SCAPER: variants seen among roughly 807,000 people sequenced by gnomAD.
The protein encoded by SCAPER is S-phase cyclin A associated protein in the ER, also known as S phase cyclin A-associated protein in the endoplasmic reticulum.
Under a neutral mutation model 182.2 loss-of-function variants are expected in SCAPER, and 98 were observed. The observed-to-expected ratio is 0.54, with a 90% CI of 0.46 to 0.64. The LOEUF (loss-of-function observed/expected upper bound fraction) is 0.64, where lower values mean the gene tolerates loss of function less well. Ranked by LOEUF, SCAPER falls within the 30% of genes least tolerant of loss-of-function variation. SCAPER has a pLI of 0.00. For synonymous variants in SCAPER, 605 were observed against 564.6 expected (o/e 1.07, Z -1.01); for missense variants, 1,432 against 1,690.0 (o/e 0.85, Z 2.68).
intron 17 of SCAPER, among the ~76,000 whole-genome samples, chr15:76,721,616 T>C (rs533873674): frequency 3.9e-5 from 6 of 152,110 alleles, no homozygotes; most frequent in Admixed American, 6.5e-5. Flanking sequence ...CAGTGGTTTG[T>C]AGTTCTCCTT....
chr15:76,649,239 C>T (rs1433611356), intron 21 of SCAPER, among the ~76,000 whole-genome samples: 1 of 152,092 alleles, frequency 6.6e-6, no homozygotes, highest in Non-Finnish European at 1.5e-5. Context: ...TAGACAATGA[C>T]GTCACTTCAA....
rs755966745 is a variant in SCAPER at position 76,511,841 on chromosome 15, A to ATGTGTGTGTGTGTGTG, written c.2839-6868_2839-6867insCACACACACACACACA. On this transcript the variant is annotated intron_variant, in intron 23 of 31. Transcript: ENST00000563290. ...AAAGATACACTTATTATATATATAT[A>ATGTGTGTGTGTGTGTG]TATGTGTGTGTGTGTGTGTGTGTGT... 7.5e-3 allele frequency among the ~76,000 whole-genome samples: 789 copies of ATGTGTGTGTGTGTGTG among 104,634 alleles called. 11 individuals carry two copies. The highest frequency in any genetic ancestry group is 0.028 in the South Asian group (69 of 2,488). 68.6% of individuals were successfully genotyped at this position (104,634 alleles called of 152,430 possible).
intron 14 of SCAPER, among the ~76,000 whole-genome samples, chr15:76,756,393 A>G (rs2151211755): frequency 6.6e-6 from 1 of 152,260 alleles, no homozygotes; most frequent in East Asian, 1.9e-4. Flanking sequence ...TCTGGGCAAC[A>G]TGGCAAGACC....
At chr15:76,720,729 T>C (rs1226941593) in intron 17 of SCAPER, among the ~76,000 whole-genome samples, 1 of 152,232 alleles carries the variant, frequency 6.6e-6, no homozygotes, top group East Asian at 1.9e-4. Flanking sequence ...AATGTCTTCT[T>C]TTGAGAAGTG....
chr15:76,541,601 T>C (rs925292949), intron 23 of SCAPER, among the ~76,000 whole-genome samples: 1 of 152,230 alleles, frequency 6.6e-6, no homozygotes, highest in African/African-American at 2.4e-5. Flanking sequence ...TACTGCCCAC[T>C]TCTATAAATG....
chr15:76,356,188 T>C (rs1003210123), intron 29 of SCAPER, among the ~76,000 whole-genome samples: 2 of 152,092 alleles, frequency 1.3e-5, no homozygotes, highest in South Asian at 4.1e-4. Context: ...GCACTAACAC[T>C]CAGTGGGCTA....
At chr15:76,579,876 T>G (rs2404737) in intron 22 of SCAPER, among the ~76,000 whole-genome samples, 57,957 of 152,012 alleles carry the variant, frequency 0.38, 13,086 homozygotes, top group Middle Eastern at 0.52. Flanking sequence ...GTAGCTATAC[T>G]TATGTCAGAA....
intron 5 of SCAPER, among the ~76,000 whole-genome samples, chr15:76,829,914 A>G (rs551038746): frequency 6.6e-6 from 1 of 152,324 alleles, no homozygotes; most frequent in Non-Finnish European, 1.5e-5. Context: ...CAGATATTAA[A>G]CAACTAAATA....
intron 21 of SCAPER, among the ~76,000 whole-genome samples, chr15:76,648,809 A>C (rs1031714290): frequency 6.6e-6 from 1 of 152,246 alleles, no homozygotes; most frequent in African/African-American, 2.4e-5. Context: ...TAGGGAAAAA[A>C]GTACCTGGTG....
At chr15:76,629,623 G>T (rs1339994374) in intron 21 of SCAPER, among the ~76,000 whole-genome samples, 1 of 152,202 alleles carries the variant, frequency 6.6e-6, no homozygotes, top group African/African-American at 2.4e-5. Context: ...CTTGATTGTG[G>T]TGGATAAGCT....
intron 14 of SCAPER, among the ~76,000 whole-genome samples, chr15:76,760,152 G>A (rs563366062): frequency 7.4e-4 from 112 of 152,138 alleles, no homozygotes; most frequent in African/African-American, 2.6e-3. Context: ...TTATCTACCT[G>A]GTCCCGCAGA....
intron 24 of SCAPER, among the ~76,000 whole-genome samples, chr15:76,484,748 C>T (rs112663670): frequency 0.013 from 2,045 of 152,164 alleles, 49 homozygotes; most frequent in African/African-American, 0.045. Context: ...GCAAGGTTGG[C>T]TCAACGTAAG....
chr15:76,618,457 G>A (rs754516641), intron 22 of SCAPER, among the ~76,000 whole-genome samples: 3 of 151,936 alleles, frequency 2.0e-5, no homozygotes, highest in Non-Finnish European at 4.4e-5. Context: ...TGAAAAAAAG[G>A]TTGCTATTTT....
At chr15:76,498,997 C>T (rs2040862327) in intron 24 of SCAPER, among the ~76,000 whole-genome samples, 2 of 152,214 alleles carry the variant, frequency 1.3e-5, no homozygotes, top group African/African-American at 2.4e-5. Flanking sequence ...GCATACCTTA[C>T]AAAAAAGAAT....
At chr15:76,661,515 C>A (rs2056165427) in intron 21 of SCAPER, among the ~76,000 whole-genome samples, 1 of 151,724 alleles carries the variant, frequency 6.6e-6, no homozygotes, top group East Asian at 1.9e-4. Flanking sequence ...AAAAGTGGGC[C>A]AAGGACATGA....
chr15:76,453,218 G>A (rs531474579), intron 25 of SCAPER, among the ~76,000 whole-genome samples: 1 of 152,238 alleles, frequency 6.6e-6, no homozygotes, highest in East Asian at 1.9e-4. Context: ...TTCCAATGAA[G>A]GGACATTCTC....
intron 1 of SCAPER, among the ~76,000 whole-genome samples, chr15:76,888,533 A>G (rs987627192): frequency 1.3e-5 from 2 of 152,240 alleles, no homozygotes; most frequent in African/African-American, 2.4e-5. Flanking sequence ...ACGCATGCAT[A>G]AGCCTCAGCA....
At chr15:76,650,442 T>A (rs1191082157) in intron 21 of SCAPER, among the ~76,000 whole-genome samples, 2 of 151,810 alleles carry the variant, frequency 1.3e-5, no homozygotes, top group African/African-American at 4.8e-5. Context: ...AAATTGATAA[T>A]GGGAAAGGGA....
intron 5 of SCAPER, among the ~76,000 whole-genome samples, chr15:76,809,973 G>A (rs1346663333): frequency 6.6e-6 from 1 of 152,158 alleles, no homozygotes; most frequent in Non-Finnish European, 1.5e-5. Flanking sequence ...GAACGAAAAA[G>A]AAAGTGTCAG....
Sources: allele counts gnomAD v4.1 joint callset (sites outside exome capture counted in the v4.1 genomes callset), GRCh38; gene constraint gnomAD v4.1.1; transcripts MANE v1.5; gene names NCBI Gene and HGNC (gene_info 2026-07-23, HGNC 2026-07-21).